MARK2: variants seen among roughly 807,000 people sequenced by gnomAD.
MARK2 encodes the protein serine/threonine-protein kinase MARK2.
MARK2 carries 16 observed loss-of-function variants against 89.8 expected under a neutral mutation model. The ratio of observed to expected loss-of-function variants is 0.18; its 90% CI spans 0.12 to 0.27. MARK2 has a LOEUF of 0.27. Among genes scored for constraint, MARK2 ranks in the 10% least tolerant of loss-of-function variants. MARK2 has a pLI of 1.00. For synonymous variants in MARK2, 382 were observed against 399.5 expected (o/e 0.96, Z 0.52); for missense variants, 621 against 1,049.9 (o/e 0.59, Z 5.65).
intron 1 of MARK2, among the ~76,000 whole-genome samples, chr11:63,871,023 G>C (rs1938413712): frequency 6.6e-6 from 1 of 152,176 alleles, no homozygotes; most frequent in South Asian, 2.1e-4. Context: ...CAGAAACCAT[G>C]TGGATCTAAT....
At chr11:63,867,448 C>T (rs1006229541) in intron 1 of MARK2, among the ~76,000 whole-genome samples, 6 of 152,136 alleles carry the variant, frequency 3.9e-5, no homozygotes, top group African/African-American at 1.4e-4. Context: ...TCACAGCTAG[C>T]CTTGTGACAT....
chr11:63,895,587 T>C lies in MARK2; in HGVS notation c.242T>C (p.Val81Ala). ...TTTTTGTCTCATCCTCAGGTAGCTG[T>C]GAAGATCATTGACAAGACTCAACTG... ...RHILTGKEVA[V>A]KIIDKTQLNS... Residue 81 changes from valine to alanine, a missense_variant, in exon 3 of 19, where the codon GTG becomes GCG. Val to Ala is a moderately conservative substitution (Grantham distance 64). This residue lies in a region of MARK2 where 82 missense variants were observed against 287.7 expected (regional missense o/e 0.29). Coordinates refer to ENST00000402010, the MANE Select transcript of MARK2 (RefSeq NM_001039469.3). 1.2e-6 allele frequency: 2 copies of C among 1,612,996 alleles called. No homozygotes were observed. The highest frequency in any genetic ancestry group is 1.3e-5 in the African/African-American group (1 of 74,490).
At chr11:63,854,629 G>T in intron 1 of MARK2, among the ~76,000 whole-genome samples, 1 of 151,766 alleles carries the variant, frequency 6.6e-6, no homozygotes. Context: ...GAGGTAAGGA[G>T]TTCGAGACCA....
At position 63,895,230 on chromosome 11, in the gene MARK2, C is replaced by T; in HGVS notation, c.126C>T (p.Thr42=). 6.2e-7 allele frequency: 1 copy of T among 1,614,164 alleles called. No homozygotes were observed. Among genetic ancestry groups the T allele is most frequent in the Non-Finnish European group, 8.5e-7 (1 of 1,180,012 alleles). ...SNMIRGRNSA[T]SADEQPHIGN... ...TGATTCGGGGCCGCAACTCAGCCAC[C>T]TCTGCTGATGAGCAGCCCCACATTG... The change falls in exon 2 of 19, where the codon ACC becomes ACT. Residue 42 remains threonine, a synonymous_variant. Coordinates refer to ENST00000402010, the MANE Select transcript of MARK2 (RefSeq NM_001039469.3).
intron 1 of MARK2, among the ~76,000 whole-genome samples, chr11:63,840,389 C>G (rs112323333): frequency 1.3e-5 from 2 of 152,258 alleles, no homozygotes; most frequent in African/African-American, 4.8e-5. Flanking sequence ...GTCCCTGGGC[C>G]TCTTGTTTCT....
chr11:63,881,666 C>A (rs1274667778), intron 1 of MARK2, among the ~76,000 whole-genome samples: 1 of 152,050 alleles, frequency 6.6e-6, no homozygotes, highest in Non-Finnish European at 1.5e-5. Context: ...ATCAATGGGG[C>A]TGGGTGTGGT....
intron 1 of MARK2, among the ~76,000 whole-genome samples, chr11:63,855,149 G>A (rs1273991037): frequency 1.3e-5 from 2 of 152,014 alleles, no homozygotes; most frequent in East Asian, 2.0e-4. Context: ...TGTGTGAAAC[G>A]TCAGTGTTTG....
At chr11:63,897,095 G>C (rs11231635) in intron 3 of MARK2, among the ~76,000 whole-genome samples, 7,466 of 152,284 alleles carry the variant, frequency 0.049, 272 homozygotes, top group Non-Finnish European at 0.069. Context: ...CATTGAAGAA[G>C]CTAGCCCCCT....
At position 63,868,632 on chromosome 11, in the gene MARK2, G is replaced by C. The variant is rs116816944; in HGVS notation, c.55-26527G>C. The C allele has an allele frequency of 2.7e-3, 986 of 369,516 alleles. 10 individuals carry two copies. Among genetic ancestry groups the C allele is most frequent in the African/African-American group, 0.015 (717 of 47,616 alleles). The allele number at this position is 369,516 out of a possible 1,614,324, so 22.9% of individuals were successfully genotyped here. A position where few individuals can be genotyped will look rare whatever the true frequency, so the allele number is the denominator to read the frequency against. On this transcript the variant is annotated intron_variant, in intron 1 of 18. Transcript: ENST00000402010. ...AAATCGTCTGGCTTCCTGGAGTGGG[G>C]ACCAGAGCCAGAGAGCCAAGCCCTC...
intron 1 of MARK2, among the ~76,000 whole-genome samples, chr11:63,855,416 C>T (rs911075819): frequency 7.1e-6 from 1 of 139,882 alleles, no homozygotes; most frequent in African/African-American, 2.6e-5. Flanking sequence ...CCTAACCACT[C>T]AGGAGGCTGA....
chr11:63,851,102 C>T (rs1481581304), intron 1 of MARK2, among the ~76,000 whole-genome samples: 3 of 152,160 alleles, frequency 2.0e-5, no homozygotes, highest in Non-Finnish European at 4.4e-5. Context: ...TTGTTATCTG[C>T]GTTTCAGAGA....
intron 1 of MARK2, among the ~76,000 whole-genome samples, chr11:63,891,701 CT>C (rs1435489344): frequency 6.6e-6 from 1 of 152,260 alleles, no homozygotes; most frequent in Non-Finnish European, 1.5e-5. Flanking sequence ...GCCAAGGAAA[CT>C]TTCCCACCCA....
intron 11 of MARK2, among the ~76,000 whole-genome samples, chr11:63,901,936 T>C (rs940298624): frequency 3.3e-5 from 5 of 151,964 alleles, no homozygotes; most frequent in Admixed American, 1.3e-4. Context: ...AGTCTGGACA[T>C]GTGTTCTTGC....
chr11:63,895,386 C>A, intron 2 of MARK2, 48 bp downstream of exon 2: 1 of 1,577,686 alleles, frequency 6.3e-7, no homozygotes, highest in Non-Finnish European at 8.7e-7. Context: ...GCCCTGTTGA[C>A]ACTCCAGCAG....
At chr11:63,839,674 T>C in intron 1 of MARK2, 114 bp downstream of exon 1, 1 of 709,948 alleles carries the variant, frequency 1.4e-6, no homozygotes, top group Non-Finnish European at 2.4e-6. Context: ...AAGCCTCGGC[T>C]GCCCTGTCAT....
chr11:63,879,630 A>C (rs866149177), intron 1 of MARK2, among the ~76,000 whole-genome samples: 3 of 151,932 alleles, frequency 2.0e-5, no homozygotes, highest in South Asian at 4.1e-4. Context: ...CAGCAGGAGC[A>C]GCCCAGTAAG....
In MARK2 at chr11:63,910,238, C is replaced by G. The variant is rs1269465979; in HGVS notation, c.*1001C>G. The G allele has an allele frequency of 6.5e-6, 1 of 152,692 alleles. No homozygotes were observed. Among genetic ancestry groups the G allele is most frequent in the African/African-American group, 2.4e-5 (1 of 41,472 alleles). 9.5% of individuals were successfully genotyped at this position (152,692 alleles called of 1,614,324 possible). On this transcript the variant is annotated 3_prime_UTR_variant, in exon 19 of 19. Transcript: ENST00000402010. Reference sequence around the variant, plus strand: ...CTTCCTCTCCCCATGGCTTCCCCTTCATTGGCATTAATCTGGGCACCAGCT... The same window carrying G: ...CTTCCTCTCCCCATGGCTTCCCCTTGATTGGCATTAATCTGGGCACCAGCT...
At chr11:63,885,432 G>T (rs1183393386) in intron 1 of MARK2, among the ~76,000 whole-genome samples, 2 of 151,772 alleles carry the variant, frequency 1.3e-5, no homozygotes, top group Non-Finnish European at 2.9e-5. Flanking sequence ...GCAGCTATTC[G>T]GGAGGCTGAG....
At chr11:63,856,318 T>TG (rs1311231940) in intron 1 of MARK2, among the ~76,000 whole-genome samples, 3 of 58,656 alleles carry the variant, frequency 5.1e-5, no homozygotes, top group African/African-American at 7.9e-5. Flanking sequence ...GTTTTTTTTT[T>TG]TTGTTTTTTT....
Sources: allele counts gnomAD v4.1 joint callset (sites outside exome capture counted in the v4.1 genomes callset), GRCh38; gene constraint gnomAD v4.1.1; regional missense constraint gnomAD v4.1.1; transcripts MANE v1.5; gene names NCBI Gene and HGNC (gene_info 2026-07-23, HGNC 2026-07-21).